Variants in TAFA1 observed in about 807,000 individuals in gnomAD.
The protein encoded by TAFA1 is chemokine-like protein TAFA-1.
TAFA1 carries 4 observed loss-of-function variants against 18.5 expected under a neutral mutation model. The ratio of observed to expected loss-of-function variants is 0.22; its 90% CI spans 0.11 to 0.49. The LOEUF (loss-of-function observed/expected upper bound fraction) is 0.49. TAFA1 is among the 20% of genes least tolerant of loss of function. The probability of loss-of-function intolerance (pLI) is 0.98; values close to 1 mark genes in which losing one functional copy is unlikely to be tolerated. For missense variants in TAFA1, 147 were observed against 169.0 expected (o/e 0.87, Z 0.72); for synonymous variants, 56 against 55.2 (o/e 1.01, Z -0.06).
intron 2 of TAFA1, among the ~76,000 whole-genome samples, chr3:68,129,295 A>G (rs1370424301): frequency 6.6e-6 from 1 of 152,196 alleles, no homozygotes; most frequent in Admixed American, 6.5e-5. Flanking sequence ...ATTAGAATAG[A>G]AGCCACACAA....
chr3:68,185,001 C>G (rs932253733), intron 2 of TAFA1, among the ~76,000 whole-genome samples: 1 of 152,072 alleles, frequency 6.6e-6, no homozygotes, highest in Admixed American at 6.6e-5. Context: ...TCAATTTAAA[C>G]CAATAAATAT....
chr3:68,266,634 G>C (rs1344028862), intron 2 of TAFA1, among the ~76,000 whole-genome samples: 2 of 152,110 alleles, frequency 1.3e-5, no homozygotes, highest in African/African-American at 4.8e-5. Context: ...ACTATGTGAT[G>C]TGGATTTAGG....
At chr3:68,306,580 A>G (rs1203215547) in intron 2 of TAFA1, among the ~76,000 whole-genome samples, 1 of 152,196 alleles carries the variant, frequency 6.6e-6, no homozygotes, top group Non-Finnish European at 1.5e-5. Flanking sequence ...ATTTGGTCTT[A>G]TACAAATTTG....
rs34030223 is a variant in TAFA1 at position 68,498,722 on chromosome 3, C to CTTTTTTTTTTT, written c.260-40009_260-39999dup. On this transcript the variant is annotated intron_variant, in intron 3 of 4. Transcript: ENST00000478136. Reference sequence around the variant, plus strand: ...AATTCCTCCCAAAGCCGTTTGGTGGCTTTTTTTTTTTTTTTTTTTTTTTTT... The same window carrying CTTTTTTTTTTT: ...AATTCCTCCCAAAGCCGTTTGGTGGCTTTTTTTTTTTTTTTTTTTTTTTTTTTTTTTTTTTT... 1.2e-4 allele frequency among the ~76,000 whole-genome samples: 12 copies of CTTTTTTTTTTT among 97,012 alleles called. 2 individuals are homozygous for CTTTTTTTTTTT. Among genetic ancestry groups the CTTTTTTTTTTT allele is most frequent in the African/African-American group, 4.8e-4 (10 of 20,872 alleles). The allele number at this position is 97,012 out of a possible 152,430, so 63.6% of individuals were successfully genotyped here.
chr3:68,293,964 A>C (rs1042962907), intron 2 of TAFA1, among the ~76,000 whole-genome samples: 2 of 152,194 alleles, frequency 1.3e-5, no homozygotes, highest in African/African-American at 4.8e-5. Context: ...CTGCAAAGCT[A>C]TTGATTAAGA....
chr3:68,084,840 C>T (rs1226851680), intron 2 of TAFA1, among the ~76,000 whole-genome samples: 3 of 151,780 alleles, frequency 2.0e-5, no homozygotes, highest in African/African-American at 7.3e-5. Flanking sequence ...CAAAAAGTAG[C>T]CCCCATACTT....
chr3:68,087,962 G>T (rs535025989), intron 2 of TAFA1, among the ~76,000 whole-genome samples: 59 of 152,070 alleles, frequency 3.9e-4, no homozygotes, highest in African/African-American at 1.4e-3. Context: ...GCCAGGTTCT[G>T]GGACTACAAC....
At chr3:68,367,452 A>G (rs1388312930) in intron 2 of TAFA1, among the ~76,000 whole-genome samples, 1 of 152,228 alleles carries the variant, frequency 6.6e-6, no homozygotes, top group African/African-American at 2.4e-5. Flanking sequence ...TTTAGTAACA[A>G]CTTTCAGTGT....
intron 2 of TAFA1, among the ~76,000 whole-genome samples, chr3:68,193,047 A>G (rs1391706901): frequency 6.6e-6 from 1 of 151,820 alleles, no homozygotes; most frequent in Non-Finnish European, 1.5e-5. Flanking sequence ...CCTTAATAAG[A>G]TGCTGAGCTC....
intron 2 of TAFA1, among the ~76,000 whole-genome samples, chr3:68,163,537 C>T (rs982883587): frequency 3.3e-5 from 5 of 152,166 alleles, no homozygotes; most frequent in East Asian, 1.9e-4. Flanking sequence ...TCCCAAACGA[C>T]GGTCAGATAT....
At chr3:68,461,892 A>G (rs900333537) in intron 3 of TAFA1, among the ~76,000 whole-genome samples, 1 of 152,090 alleles carries the variant, frequency 6.6e-6, no homozygotes, top group Non-Finnish European at 1.5e-5. Flanking sequence ...TGGAGAAAAG[A>G]AACAGTCACT....
At chr3:68,043,798 G>A (rs1705214772) in intron 2 of TAFA1, among the ~76,000 whole-genome samples, 1 of 151,930 alleles carries the variant, frequency 6.6e-6, no homozygotes, top group Non-Finnish European at 1.5e-5. Flanking sequence ...GCTATTTCTA[G>A]GAATGCATGT....
chr3:68,006,362 T>G (rs1704357043), intron 1 of TAFA1: 1 of 422,950 alleles, frequency 2.4e-6, no homozygotes, highest in Admixed American at 3.4e-5. Flanking sequence ...GACTAACTGA[T>G]AGCCTAAAAC....
chr3:68,340,901 G>T (rs992460519), intron 2 of TAFA1, among the ~76,000 whole-genome samples: 17 of 152,194 alleles, frequency 1.1e-4, no homozygotes, highest in Non-Finnish European at 2.1e-4. Context: ...TGAGATCTGT[G>T]CTATGAATTC....
At chr3:68,012,982 G>C (rs180762164) in intron 2 of TAFA1, among the ~76,000 whole-genome samples, 1 of 152,198 alleles carries the variant, frequency 6.6e-6, no homozygotes, top group African/African-American at 2.4e-5. Flanking sequence ...AAAGATTTGC[G>C]TGTAAGAAAT....
chr3:68,532,510 G>GATAC (rs1211673333), intron 3 of TAFA1, among the ~76,000 whole-genome samples: 6 of 152,048 alleles, frequency 3.9e-5, no homozygotes, highest in Non-Finnish European at 5.9e-5. Flanking sequence ...TTCTTGTTTA[G>GATAC]ATACAAATCA....
chr3:68,369,418 C>G (rs766800124), intron 2 of TAFA1, among the ~76,000 whole-genome samples: 2 of 152,108 alleles, frequency 1.3e-5, no homozygotes, highest in Non-Finnish European at 2.9e-5. Flanking sequence ...AGTGAATTTT[C>G]AATTTATTCT....
At chr3:68,520,422 C>T (rs1247650963) in intron 3 of TAFA1, among the ~76,000 whole-genome samples, 3 of 152,076 alleles carry the variant, frequency 2.0e-5, no homozygotes, top group Non-Finnish European at 4.4e-5. Context: ...CAATTTCTTT[C>T]TTGTGCTACA....
At chr3:68,052,865 G>A (rs939303677) in intron 2 of TAFA1, among the ~76,000 whole-genome samples, 9 of 152,126 alleles carry the variant, frequency 5.9e-5, no homozygotes, top group Non-Finnish European at 1.2e-4. Flanking sequence ...ATTAATAAGG[G>A]GAACAGGAAG....
Sources: gnomAD v4.1 joint callset for allele counts (sites outside exome capture counted in the v4.1 genomes callset) on GRCh38, gnomAD v4.1.1 for gene constraint, MANE v1.5 for transcripts, NCBI Gene and HGNC (gene_info 2026-07-23, HGNC 2026-07-21) for gene names.